Variants in PRKG1 observed in about 807,000 individuals in gnomAD.
The protein encoded by PRKG1 is cGMP-dependent protein kinase 1.
Under a neutral mutation model 88.1 loss-of-function variants are expected in PRKG1, and 35 were observed. The observed-to-expected ratio is 0.40, with a 90% CI of 0.30 to 0.53. The LOEUF (loss-of-function observed/expected upper bound fraction) is 0.53. PRKG1 is among the 20% of genes least tolerant of loss of function. The probability of loss-of-function intolerance (pLI) is 0.59; values close to 1 mark genes in which losing one functional copy is unlikely to be tolerated. For missense variants in PRKG1, 540 were observed against 839.8 expected (o/e 0.64, Z 4.41); for synonymous variants, 303 against 292.5 (o/e 1.04, Z -0.37).
At chr10:52,188,516 C>T (rs892436086) in intron 9 of PRKG1, among the ~76,000 whole-genome samples, 3 of 150,412 alleles carry the variant, frequency 2.0e-5, no homozygotes, top group Non-Finnish European at 4.4e-5. Context: ...CCATGCCTGG[C>T]TAATTTATAA....
chr10:51,416,160 A>G (rs994853483), intron 2 of PRKG1, among the ~76,000 whole-genome samples: 1 of 152,220 alleles, frequency 6.6e-6, no homozygotes, highest in Non-Finnish European at 1.5e-5. Flanking sequence ...TTTATTTTGT[A>G]TTTAGTGGCA....
At chr10:51,596,617 G>A (rs1037107561) in intron 3 of PRKG1, among the ~76,000 whole-genome samples, 2 of 151,914 alleles carry the variant, frequency 1.3e-5, no homozygotes, top group Admixed American at 6.6e-5. Flanking sequence ...AGGTTTATGG[G>A]GTATTTTTAA....
intron 3 of PRKG1, among the ~76,000 whole-genome samples, chr10:51,553,882 C>T (rs1234623040): frequency 4.5e-5 from 5 of 110,396 alleles, no homozygotes; most frequent in African/African-American, 1.1e-4. Context: ...GTATTAGATA[C>T]GTGTATATAA....
At chr10:51,224,927 C>T (rs1838649146) in intron 2 of PRKG1, among the ~76,000 whole-genome samples, 1 of 152,154 alleles carries the variant, frequency 6.6e-6, no homozygotes, top group Non-Finnish European at 1.5e-5. Flanking sequence ...TTTAGCCATG[C>T]CCCTGCTTCC....
chr10:51,470,349 G>T (rs923704509), intron 3 of PRKG1, among the ~76,000 whole-genome samples: 2 of 151,706 alleles, frequency 1.3e-5, no homozygotes, highest in African/African-American at 4.8e-5. Context: ...ATCCACTTGG[G>T]CGTAATAGTC....
At chr10:52,029,086 G>A (rs113057273) in intron 5 of PRKG1, among the ~76,000 whole-genome samples, 19 of 152,324 alleles carry the variant, frequency 1.2e-4, no homozygotes, top group African/African-American at 4.3e-4. Flanking sequence ...GGTGCTTCTA[G>A]TTTTCTACTG....
chr10:51,269,669 G>C (rs558024168), intron 2 of PRKG1, among the ~76,000 whole-genome samples: 1 of 152,168 alleles, frequency 6.6e-6, no homozygotes, highest in Admixed American at 6.6e-5. Flanking sequence ...AACTATGAGG[G>C]TACAAAGGCA....
chr10:51,762,499 G>T (rs1276870693), intron 3 of PRKG1, among the ~76,000 whole-genome samples: 2 of 152,032 alleles, frequency 1.3e-5, no homozygotes, highest in East Asian at 3.8e-4. Context: ...ATATTCAATC[G>T]ACCTTAAATT....
intron 4 of PRKG1, among the ~76,000 whole-genome samples, chr10:51,853,342 C>T (rs1308431251): frequency 6.6e-6 from 1 of 152,086 alleles, no homozygotes; most frequent in Non-Finnish European, 1.5e-5. Flanking sequence ...ATTACAAAGA[C>T]ATATCCAAAT....
intron 5 of PRKG1, among the ~76,000 whole-genome samples, chr10:51,979,434 T>TTTC (rs1843944604): frequency 1.4e-5 from 2 of 143,638 alleles, no homozygotes; most frequent in African/African-American, 5.1e-5. Flanking sequence ...TTTTTTTTTT[T>TTTC]CTGTTTTGTC....
At chr10:51,571,422 A>G (rs1384897750) in intron 3 of PRKG1, among the ~76,000 whole-genome samples, 2 of 151,932 alleles carry the variant, frequency 1.3e-5, no homozygotes, top group African/African-American at 2.4e-5. Context: ...TGAGAATCCA[A>G]TGAGATGCCA....
intron 6 of PRKG1, among the ~76,000 whole-genome samples, chr10:52,056,583 C>G (rs1473290333): frequency 2.0e-5 from 3 of 152,082 alleles, no homozygotes; most frequent in Non-Finnish European, 4.4e-5. Context: ...GGCAATATTT[C>G]AGAGCACTCT....
At chr10:51,315,552 G>A (rs1388010904) in intron 2 of PRKG1, among the ~76,000 whole-genome samples, 4 of 152,144 alleles carry the variant, frequency 2.6e-5, no homozygotes, top group Non-Finnish European at 5.9e-5. Flanking sequence ...AGTTCTTAGT[G>A]TATTTTGAAT....
At chr10:52,020,457 G>A in intron 5 of PRKG1, among the ~76,000 whole-genome samples, 1 of 152,116 alleles carries the variant, frequency 6.6e-6, no homozygotes, top group African/African-American at 2.4e-5. Context: ...GAAAGAATTC[G>A]ATGGAGGGGC....
At chr10:52,039,064 G>A (rs192637088) in intron 5 of PRKG1, among the ~76,000 whole-genome samples, 2,486 of 152,202 alleles carry the variant, frequency 0.016, 168 homozygotes, top group Admixed American at 0.13. Flanking sequence ...GAGGACAGGG[G>A]ATTGATCTCC....
At chr10:51,090,205 G>A (rs1844364097) in intron 1 of PRKG1, among the ~76,000 whole-genome samples, 1 of 152,122 alleles carries the variant, frequency 6.6e-6, no homozygotes, top group Non-Finnish European at 1.5e-5. Flanking sequence ...TTGCTGTTGA[G>A]GTTCTCATTA....
At chr10:51,975,067 A>G (rs1272584731) in intron 5 of PRKG1, among the ~76,000 whole-genome samples, 1 of 152,140 alleles carries the variant, frequency 6.6e-6, no homozygotes, top group Non-Finnish European at 1.5e-5. Context: ...AGACTGATGT[A>G]TTTATAAATC....
intron 1 of PRKG1, among the ~76,000 whole-genome samples, chr10:51,075,237 G>GC (rs1420583962): frequency 6.6e-6 from 1 of 152,152 alleles, no homozygotes; most frequent in South Asian, 2.1e-4. Context: ...GAAATAAAAA[G>GC]CCCCCGTCTC....
intron 1 of PRKG1, among the ~76,000 whole-genome samples, chr10:51,008,415 A>G (rs1379950564): frequency 6.6e-6 from 1 of 152,202 alleles, no homozygotes; most frequent in East Asian, 1.9e-4. Context: ...GTAGACTAGA[A>G]GTTCGAATTC....
Sources: allele counts gnomAD v4.1 joint callset (sites outside exome capture counted in the v4.1 genomes callset), GRCh38; gene constraint gnomAD v4.1.1; transcripts MANE v1.5; gene names NCBI Gene and HGNC (gene_info 2026-07-23, HGNC 2026-07-21).